MORF4L1: variants seen among roughly 807,000 people sequenced by gnomAD.
MORF4L1 encodes the protein mortality factor 4 like 1.
In MORF4L1, 4 loss-of-function variants were observed where a neutral mutation model predicts 52.9. The ratio of observed to expected loss-of-function variants is 0.08; its 90% CI spans 0.04 to 0.17. The LOEUF is 0.17. MORF4L1 is among the 10% of genes least tolerant of loss of function. The pLI is 1.00. For missense variants in MORF4L1, 214 were observed against 390.4 expected (o/e 0.55, Z 3.81); for synonymous variants, 123 against 134.8 (o/e 0.91, Z 0.61).
intron 3 of MORF4L1, among the ~76,000 whole-genome samples, chr15:78,882,680 T>G (rs1019172574): frequency 6.6e-6 from 1 of 152,188 alleles, no homozygotes; most frequent in Non-Finnish European, 1.5e-5. Flanking sequence ...CATCTTAATT[T>G]TATGCATACT....
At chr15:78,883,629 GA>G (rs1346807566) in intron 3 of MORF4L1, among the ~76,000 whole-genome samples, 2 of 152,102 alleles carry the variant, frequency 1.3e-5, no homozygotes, top group Non-Finnish European at 2.9e-5. Flanking sequence ...GGAAAGTTAA[GA>G]AAAAATAGCA....
chr15:78,893,475 G>A (rs1263657035), intron 8 of MORF4L1, 64 bp from the exon 9 acceptor site: 1 of 1,077,636 alleles, frequency 9.3e-7, no homozygotes, highest in East Asian at 2.4e-5. Context: ...ATAAAAACTT[G>A]CCTGGTATGA....
intron 4 of MORF4L1, 28 bp from the exon 5 acceptor site, chr15:78,887,241 G>A: frequency 2.5e-6 from 4 of 1,572,046 alleles, no homozygotes; most frequent in Non-Finnish European, 3.5e-6. Flanking sequence ...CTCATTTTAT[G>A]TTGACATTAC....
chr15:78,880,683 T>C, intron 3 of MORF4L1, 104 bp downstream of exon 3: 5 of 766,278 alleles, frequency 6.5e-6, no homozygotes, highest in Non-Finnish European at 1.0e-5. Context: ...TTTAATGTAA[T>C]ATAGTACATA....
In MORF4L1 at chr15:78,881,189, CTTT is replaced by C. The variant is rs570514618; in HGVS notation, c.155+627_155+629del. On this transcript the variant is annotated intron_variant, in intron 3 of 11. Transcript: ENST00000426013. ...AATTTCTCACCCCTAAGAGTTAAGCCTTTTTTTTTTTTTTTTTTTGAGAGATGG... is the reference window on the plus strand; with the variant it reads ...AATTTCTCACCCCTAAGAGTTAAGCCTTTTTTTTTTTTTTTTGAGAGATGG... Among the ~76,000 whole-genome samples, 5 of 67,184 alleles carry C rather than the reference CTTT, an allele frequency of 7.4e-5. No individual in the cohort carries two copies. In the East Asian group the frequency reaches 2.3e-3, roughly 31 times the overall value. 44.1% of individuals were successfully genotyped at this position (67,184 alleles called of 152,430 possible). A position where few individuals can be genotyped will look rare whatever the true frequency, so the allele number is the denominator to read the frequency against.
chr15:78,877,948 A>C lies in MORF4L1; in HGVS notation c.41-265A>C, dbSNP rs148217146. On this transcript the variant is annotated intron_variant, in intron 1 of 11. Coordinates refer to ENST00000426013, the MANE Select transcript of MORF4L1 (RefSeq NM_006791.4). ...GACAGCTTTGCAGGAGAGTCCGCTT[A>C]TGTGCTTAACAGGTGATAGATGATT... 11 of 343,886 alleles carry C rather than the reference A, an allele frequency of 3.2e-5. 1 individual carries two copies. The highest frequency in any genetic ancestry group is 1.0e-5 in the Non-Finnish European group (2 of 191,068). 21.3% of individuals were successfully genotyped at this position (343,886 alleles called of 1,614,324 possible).
chr15:78,894,799 T>C (rs767829589), intron 10 of MORF4L1, 21 bp from the exon 11 acceptor site: 2 of 1,586,806 alleles, frequency 1.3e-6, no homozygotes, highest in African/African-American at 2.7e-5. Context: ...TAACTTTGGA[T>C]AAATTCTCTT....
intron 3 of MORF4L1, 47 bp downstream of exon 3, chr15:78,880,626 T>C: frequency 7.2e-7 from 1 of 1,386,230 alleles, no homozygotes; most frequent in South Asian, 1.3e-5. Context: ...CAAGATAGCT[T>C]GTGTCACTGA....
At chr15:78,878,497 G>C (rs944298091) in intron 2 of MORF4L1, among the ~76,000 whole-genome samples, 2 of 152,176 alleles carry the variant, frequency 1.3e-5, no homozygotes, top group Non-Finnish European at 2.9e-5. Flanking sequence ...TAGCATTTGA[G>C]GGGAATGTTA....
At chr15:78,893,959 A>G (rs1225778271) in intron 9 of MORF4L1, 99 bp from the exon 10 acceptor site, 39 of 1,212,314 alleles carry the variant, frequency 3.2e-5, no homozygotes, top group Non-Finnish European at 4.3e-5. Flanking sequence ...ATGGTTCATT[A>G]TTACTAGCTC....
At chr15:78,880,180 T>C (rs916628427) in intron 2 of MORF4L1, among the ~76,000 whole-genome samples, 18 of 152,274 alleles carry the variant, frequency 1.2e-4, no homozygotes, top group African/African-American at 3.9e-4. Context: ...GACTTTGCTT[T>C]AGAGGAATTT....
intron 5 of MORF4L1, among the ~76,000 whole-genome samples, chr15:78,888,130 G>A (rs2056738626): frequency 6.6e-6 from 1 of 152,214 alleles, no homozygotes; most frequent in South Asian, 2.1e-4. Flanking sequence ...GAAGCCTAGA[G>A]TGAGAAAGTC....
At position 78,875,416 on chromosome 15, in the gene MORF4L1, C is replaced by T. The variant is rs147970254; in HGVS notation, c.40+2359C>T. ...GTAAGAGAGTCTGTATTTAACATTA[C>T]TTTCCAGGTGTGTTTTGTACTTGTG... On this transcript the variant is annotated intron_variant, in intron 1 of 11. Transcript: ENST00000426013. Among the ~76,000 whole-genome samples, 1,484 of 152,306 alleles carry T rather than the reference C, an allele frequency of 9.7e-3. 31 individuals carry two copies. The highest frequency in any genetic ancestry group is 0.035 in the African/African-American group (1,434 of 41,542).
intron 1 of MORF4L1, among the ~76,000 whole-genome samples, chr15:78,874,209 G>C (rs1019911478): frequency 6.6e-6 from 1 of 152,214 alleles, no homozygotes; most frequent in Non-Finnish European, 1.5e-5. Flanking sequence ...GGAAATTTAT[G>C]CTAGTTACCG....
At chr15:78,886,558 G>C (rs766646158) in intron 4 of MORF4L1, among the ~76,000 whole-genome samples, 1 of 152,154 alleles carries the variant, frequency 6.6e-6, no homozygotes, top group African/African-American at 2.4e-5. Flanking sequence ...AGCAAACGAG[G>C]CATTTCCTAT....
At chr15:78,890,358 G>A (rs2056778610) in intron 5 of MORF4L1, among the ~76,000 whole-genome samples, 1 of 151,170 alleles carries the variant, frequency 6.6e-6, no homozygotes, top group South Asian at 2.1e-4. Context: ...AAAAATAATT[G>A]GAAAAAAATT....
intron 2 of MORF4L1, among the ~76,000 whole-genome samples, chr15:78,878,962 T>C (rs1009862311): frequency 2.0e-5 from 3 of 152,222 alleles, no homozygotes; most frequent in Non-Finnish European, 4.4e-5. Flanking sequence ...GTGAGTAGTT[T>C]TATGCTATAT....
rs764147786 is a variant in MORF4L1 at position 78,890,995 on chromosome 15, G to A, written c.330G>A (p.Thr110=). Residue 110 remains threonine (T), a synonymous_variant, in exon 6 of 12, where the codon ACG becomes ACA. Coordinates refer to ENST00000426013, the MANE Select transcript of MORF4L1 (RefSeq NM_006791.4). Reference sequence around the variant, plus strand: ...TTTTTTTCTCTCCTTTTAGGAAAACGAAAAAGAACAAACAGAAAAGTAAGA... The same window carrying A: ...TTTTTTTCTCTCCTTTTAGGAAAACAAAAAAGAACAAACAGAAAAGTAAGA... ...GLQQKNVEVK[T]KKNKQKTPGN... is the part of the protein sequence containing the mutation. 9 of 1,455,484 alleles carry A rather than the reference G, an allele frequency of 6.2e-6. No individual in the cohort carries two copies. Among genetic ancestry groups the A allele is most frequent in the South Asian group, 2.5e-5 (2 of 79,618 alleles). 90.2% of individuals were successfully genotyped at this position (1,455,484 alleles called of 1,614,324 possible).
rs376291639 is a variant in MORF4L1 at position 78,891,502 on chromosome 15, G to C, written c.368G>C (p.Gly123Ala). ...NKQKTPGNGD[G>A]GSTSETPQPP... ...TTTACAGCACCTGGAAATGGAGATGGTGGCAGTACCAGTGAGACCCCTCAG... is the reference window on the plus strand; with the variant it reads ...TTTACAGCACCTGGAAATGGAGATGCTGGCAGTACCAGTGAGACCCCTCAG... The change falls in exon 7 of 12, where the codon GGT becomes GCT. Residue 123 changes from glycine to alanine, a missense_variant. Gly to Ala is a moderately conservative substitution (Grantham distance 60). Around this residue, in one of 5 missense-constraint regions of MORF4L1, gnomAD observed 84 missense variants for 116.3 expected, o/e 0.72. Transcript: ENST00000426013. 1.2e-5 allele frequency: 19 copies of C among 1,613,884 alleles called. No individual in the cohort carries two copies. The African/African-American group carries it at 2.4e-4, about 20-fold the overall frequency.
Sources: gnomAD v4.1 joint callset for allele counts (sites outside exome capture counted in the v4.1 genomes callset) on GRCh38, gnomAD v4.1.1 for gene constraint, gnomAD v4.1.1 regional missense constraint, MANE v1.5 for transcripts, NCBI Gene and HGNC (gene_info 2026-07-23, HGNC 2026-07-21) for gene names.